PCDHB10: variants seen among roughly 807,000 people sequenced by gnomAD.
The protein encoded by PCDHB10 is protocadherin beta-10.
For synonymous variants in PCDHB10, 448 were observed against 449.2 expected (o/e 1.00, Z 0.04); for missense variants, 1,046 against 1,004.7 (o/e 1.04, Z -0.56).
In PCDHB10 at chr5:141,193,797, C is replaced by T; in HGVS notation, c.1245C>T (p.Ala415=). Residue 415 remains alanine, a synonymous_variant, in exon 1 of 1, where the codon GCC becomes GCT. Coordinates refer to ENST00000239446, the MANE Select transcript of PCDHB10 (RefSeq NM_018930.4). ...GCGCGCTGGACAGAGAGATCAGAGC[C>T]GAGTACAACATCACTATCACCGTCA... ...TEGALDREIR[A]EYNITITVTD... 1 of 1,614,152 alleles carries T rather than the reference C, an allele frequency of 6.2e-7. No homozygotes were observed. The highest frequency in any genetic ancestry group is 8.5e-7 in the Non-Finnish European group (1 of 1,180,042).
chr5:141,193,320 C>CA lies in PCDHB10; in HGVS notation c.769dup (p.Ile257AsnfsTer7), dbSNP rs1554284038. 2 of 1,614,094 alleles carry CA rather than the reference C, an allele frequency of 1.2e-6. No individual in the cohort carries two copies. Among genetic ancestry groups the CA allele is most frequent in the Non-Finnish European group, 8.5e-7 (1 of 1,179,990 alleles). On this transcript the variant is annotated frameshift_variant, in exon 1 of 1. Coordinates refer to ENST00000239446, the MANE Select transcript of PCDHB10 (RefSeq NM_018930.4). LOFTEE classifies it low-confidence loss of function (END_TRUNC). The stretch of plus-strand genomic sequence containing the variant: ...AGACCCAGGCTCCAGAAAACAGCCC[C>CA]ATTGGGTTCCTTATTGTTAAGGTAT...
At position 141,194,750 on chromosome 5, in the gene PCDHB10, C is replaced by A. The variant is rs1554284487; in HGVS notation, c.2198C>A (p.Pro733His). 5.6e-6 allele frequency: 9 copies of A among 1,613,816 alleles called. No individual in the cohort carries two copies. Among genetic ancestry groups the A allele is most frequent in the African/African-American group, 1.3e-5 (1 of 74,912 alleles). The stretch of plus-strand genomic sequence containing the variant: ...GGTCGCTGCTCGGTGCCCGAGGGTC[C>A]TTTTCCAGGGCATCTGGTGGACGTG... ...SVGRCSVPEG[P>H]FPGHLVDVRG... Residue 733 changes from proline to histidine, a missense_variant, in exon 1 of 1, where the codon CCT becomes CAT. By Grantham distance (77) the Pro-to-His change is moderately conservative. Transcript: ENST00000239446.
Position 141,193,406 on chromosome 5 carries a change from CAG to C in PCDHB10, c.856_857del (p.Glu286LysfsTer22), listed in dbSNP as rs1563953778. 6.2e-6 allele frequency: 10 copies of C among 1,614,154 alleles called. No individual in the cohort carries two copies. Among genetic ancestry groups the C allele is most frequent in the Admixed American group, 1.7e-5 (1 of 60,034 alleles). On this transcript the variant is annotated frameshift_variant, in exon 1 of 1. Coordinates refer to ENST00000239446, the MANE Select transcript of PCDHB10 (RefSeq NM_018930.4). LOFTEE classifies it low-confidence loss of function (END_TRUNC). ...GTATCCTATTCATTTTTTGATGCCTCAGAAAATATTCGAACAACCTTTCAAAT... is the reference window on the plus strand; with the variant it reads ...GTATCCTATTCATTTTTTGATGCCTCAAAATATTCGAACAACCTTTCAAAT...
chr5:141,194,222 A>G lies in PCDHB10; in HGVS notation c.1670A>G (p.Asn557Ser). The G allele has an allele frequency of 6.2e-7, 1 of 1,602,616 alleles. No homozygotes were observed. The highest frequency in any genetic ancestry group is 8.5e-7 in the Non-Finnish European group (1 of 1,177,804). ...GTGCTGGTGCTGGACGCCAACGACA[A>G]CTCGCCCTTCGTGCTGTACCCGCTG... ...VRVLVLDAND[N>S]SPFVLYPLQN... Residue 557 changes from asparagine (N) to serine (S), a missense_variant, in exon 1 of 1, where the codon AAC becomes AGC. Coordinates refer to ENST00000239446, the MANE Select transcript of PCDHB10 (RefSeq NM_018930.4).
chr5:141,194,300 G>A lies in PCDHB10; in HGVS notation c.1748G>A (p.Gly583Asp), dbSNP rs1753996015. The change falls in exon 1 of 1, where the codon GGC becomes GAC. Residue 583 changes from glycine to aspartate, a missense_variant. Transcript: ENST00000239446. ...CTGGTGCCCCGGGCGGCCGAGCCGG[G>A]CTACCTGGTGACCAAGGTGGTGGCG... ...TELVPRAAEP[G>D]YLVTKVVAVD... 6.2e-7 allele frequency: 1 copy of A among 1,603,538 alleles called. No individual in the cohort carries two copies. The highest frequency in any genetic ancestry group is 1.3e-5 in the African/African-American group (1 of 74,702).
chr5:141,195,131 A>G lies in PCDHB10; in HGVS notation c.*176A>G. On this transcript the variant is annotated 3_prime_UTR_variant, in exon 1 of 1. Transcript: ENST00000239446. ...TTTGCATTAATAACAACTGGGTTTA[A>G]TTTAATGAGTATTTTTTTCTAAATG... 1.7e-6 allele frequency: 1 copy of G among 597,752 alleles called. No homozygotes were observed. Among genetic ancestry groups the G allele is most frequent in the East Asian group, 3.2e-5 (1 of 31,694 alleles). The allele number at this position is 597,752 out of a possible 1,614,324, so 37.0% of individuals were successfully genotyped here. A position where few individuals can be genotyped will look rare whatever the true frequency, so the allele number is the denominator to read the frequency against.
Position 141,193,043 on chromosome 5 carries a change from T to A in PCDHB10, c.491T>A (p.Leu164His), listed in dbSNP as rs1554283950. The change falls in exon 1 of 1, where the codon CTT (leucine) becomes CAT (histidine). Residue 164 changes from leucine (L) to histidine (H), a missense_variant. By Grantham distance (99) the Leu-to-His change is moderately conservative. Transcript: ENST00000239446. ...AGAGCACAGGATCCAGATGGAGGAC[T>A]TAACGGTATCCAAAACTACACGATC... ...LERAQDPDGGLNGIQNYTISP... is the reference protein window; with the variant it reads ...LERAQDPDGGHNGIQNYTISP... 1.1e-5 allele frequency: 17 copies of A among 1,614,026 alleles called. 1 individual carries two copies. In the South Asian group the frequency reaches 1.4e-4, roughly 14 times the overall value.
At position 141,194,074 on chromosome 5, in the gene PCDHB10, G is replaced by A. The variant is rs782288188; in HGVS notation, c.1522G>A (p.Ala508Thr). ...CCTCGCCTCCCTGGTCTCCATCAACGCGGACAACGGCCACCTGTTCGCCCT... is the reference window on the plus strand; with the variant it reads ...CCTCGCCTCCCTGGTCTCCATCAACACGGACAACGGCCACCTGTTCGCCCT... ...LPLASLVSINADNGHLFALRS... is the reference protein window; with the variant it reads ...LPLASLVSINTDNGHLFALRS... The change falls in exon 1 of 1, where the codon GCG becomes ACG. Residue 508 changes from alanine (A) to threonine (T), a missense_variant. Ala to Thr is a moderately conservative substitution (Grantham distance 58). Coordinates refer to ENST00000239446, the MANE Select transcript of PCDHB10 (RefSeq NM_018930.4). The A allele has an allele frequency of 3.1e-5, 50 of 1,604,006 alleles. No homozygotes were observed. The highest frequency in any genetic ancestry group is 1.8e-4 in the East Asian group (8 of 44,772).
In PCDHB10 at chr5:141,194,082, C is replaced by T. The variant is rs17844572; in HGVS notation, c.1530C>T (p.Asn510=). ...LASLVSINAD[N]GHLFALRSLD... is the part of the protein sequence containing the mutation. Reference sequence around the variant, plus strand: ...CCCTGGTCTCCATCAACGCGGACAACGGCCACCTGTTCGCCCTCAGGTCGC... The same window carrying T: ...CCCTGGTCTCCATCAACGCGGACAATGGCCACCTGTTCGCCCTCAGGTCGC... Residue 510 remains asparagine, a synonymous_variant, in exon 1 of 1, where the codon AAC becomes AAT. Coordinates refer to ENST00000239446, the MANE Select transcript of PCDHB10 (RefSeq NM_018930.4). 2.5e-3 allele frequency: 4,033 copies of T among 1,605,510 alleles called. 65 individuals carry two copies. In the African/African-American group the frequency reaches 0.048, roughly 19 times the overall value.
rs1554284586 is a variant in PCDHB10, at chr5:141,195,002, T to G, written c.*47T>G. ...ACTTTTGGTGTGTTACATAGCCATGTTTCTATTAGTTTACTTTTAAATCTC... is the reference window on the plus strand; with the variant it reads ...ACTTTTGGTGTGTTACATAGCCATGGTTCTATTAGTTTACTTTTAAATCTC... On this transcript the variant is annotated 3_prime_UTR_variant, in exon 1 of 1. Coordinates refer to ENST00000239446, the MANE Select transcript of PCDHB10 (RefSeq NM_018930.4). 6.6e-7 allele frequency: 1 copy of G among 1,505,386 alleles called. No homozygotes were observed. 93.3% of individuals were successfully genotyped at this position (1,505,386 alleles called of 1,614,324 possible). A position where few individuals can be genotyped will look rare whatever the true frequency, so the allele number is the denominator to read the frequency against.
At position 141,194,357 on chromosome 5, in the gene PCDHB10, TG is replaced by T; in HGVS notation, c.1806del (p.Ser603ArgfsTer28). ...GGCGACTCGGGCCAGAACGCCTGGC[TG>T]TCGTACCAGCTGCTCAAGGCCACGG... ...VDGDSGQNAW[L>X]SYQLLKATEP... is the part of the protein sequence containing the mutation. On this transcript the variant is annotated frameshift_variant, in exon 1 of 1. Transcript: ENST00000239446. LOFTEE classifies it low-confidence loss of function (END_TRUNC). 1 of 1,601,878 alleles carries T rather than the reference TG, an allele frequency of 6.2e-7. No homozygotes were observed. Among genetic ancestry groups the T allele is most frequent in the Non-Finnish European group, 8.5e-7 (1 of 1,178,928 alleles).
rs1261711111 is a variant in PCDHB10 at position 141,192,674 on chromosome 5, A to C, written c.122A>C (p.Lys41Thr). The C allele has an allele frequency of 7.4e-6, 12 of 1,613,816 alleles. No homozygotes were observed. The highest frequency in any genetic ancestry group is 1.0e-5 in the Non-Finnish European group (12 of 1,180,002). ...TATTCGGTGACTGAGGAAACAGAGA[A>C]AGGATCCTTTGTGGTCAATCTGGCA... ...GRYSVTEETE[K>T]GSFVVNLAKD... The change falls in exon 1 of 1, where the codon AAA becomes ACA. Residue 41 changes from lysine to threonine, a missense_variant. Lys to Thr is a moderately conservative substitution (Grantham distance 78, BLOSUM62 -1). Transcript: ENST00000239446.
Position 141,193,318 on chromosome 5 carries a change from C to G in PCDHB10, c.766C>G (p.Pro256Ala). ...LYETQAPENS[P>A]IGFLIVKVWA... ...TGAGACCCAGGCTCCAGAAAACAGC[C>G]CCATTGGGTTCCTTATTGTTAAGGT... The change falls in exon 1 of 1, where the codon CCC becomes GCC. Residue 256 changes from proline (P) to alanine (A), a missense_variant. By Grantham distance (27) the Pro-to-Ala change is conservative (BLOSUM62 -1). Coordinates refer to ENST00000239446, the MANE Select transcript of PCDHB10 (RefSeq NM_018930.4). 1.2e-6 allele frequency: 2 copies of G among 1,614,090 alleles called. No individual in the cohort carries two copies. The highest frequency in any genetic ancestry group is 1.6e-4 in the Middle Eastern group (1 of 6,062).
chr5:141,193,646 T>C lies in PCDHB10; in HGVS notation c.1094T>C (p.Leu365Pro). 2 of 1,614,182 alleles carry C rather than the reference T, an allele frequency of 1.2e-6. No individual in the cohort carries two copies. Among genetic ancestry groups the C allele is most frequent in the Non-Finnish European group, 1.7e-6 (2 of 1,180,040 alleles). ...GCTGAGAATTCTCCTGAGACGCCGC[T>C]GGCTGTTTTTAAGATTAATGACAGA... The part of the protein sequence containing the change: ...SVAENSPETP[L>P]AVFKINDRDS... Residue 365 changes from leucine (L) to proline (P), a missense_variant, in exon 1 of 1, where the codon CTG (leucine) becomes CCG (proline). Leu to Pro is a moderately conservative substitution (Grantham distance 98, BLOSUM62 -3). Transcript: ENST00000239446.
rs1315794679 is a variant in PCDHB10, at chr5:141,192,913, C to G, written c.361C>G (p.Leu121Val). The change falls in exon 1 of 1, where the codon CTG (leucine) becomes GTG (valine). Residue 121 changes from leucine (L) to valine (V), a missense_variant. Transcript: ENST00000239446. ...TCCCTTTCAGATTTACCGGGCTGAG[C>G]TGAGAGTCAGGGATATAAATGATCA... ...DDPFQIYRAE[L>V]RVRDINDHAP... 4.3e-6 allele frequency: 7 copies of G among 1,613,838 alleles called. No homozygotes were observed. In the African/African-American group the frequency reaches 6.7e-5, roughly 15 times the overall value.
At position 141,193,114 on chromosome 5, in the gene PCDHB10, G is replaced by A. The variant is rs782585302; in HGVS notation, c.562G>A (p.Gly188Ser). The A allele has an allele frequency of 5.6e-6, 9 of 1,614,026 alleles. No homozygotes were observed. In the African/African-American group the frequency reaches 1.2e-4, roughly 22 times the overall value. The change falls in exon 1 of 1, where the codon GGC becomes AGC. Residue 188 changes from glycine (G) to serine (S), a missense_variant. Transcript: ENST00000239446. ...TATTAACATTAGTGGCGGTGATGAA[G>A]GCATGATATATCCAGAGCTAGTGTT... ...FHINISGGDE[G>S]MIYPELVLDK...
chr5:141,194,098 C>T lies in PCDHB10; in HGVS notation c.1546C>T (p.Leu516Phe), dbSNP rs201065874. The T allele has an allele frequency of 8.6e-5, 138 of 1,605,888 alleles. 1 individual carries two copies. In the East Asian group the frequency reaches 2.7e-3, roughly 31 times the overall value. The change falls in exon 1 of 1, where the codon CTC (leucine) becomes TTC (phenylalanine). Residue 516 changes from leucine to phenylalanine, a missense_variant. Leu to Phe is a conservative substitution (Grantham distance 22, BLOSUM62 0). Coordinates refer to ENST00000239446, the MANE Select transcript of PCDHB10 (RefSeq NM_018930.4). ...CGCGGACAACGGCCACCTGTTCGCC[C>T]TCAGGTCGCTGGACTACGAGGCCCT... is the stretch of plus-strand genomic sequence containing the variant. ...INADNGHLFA[L>F]RSLDYEALQA...
Position 141,194,922 on chromosome 5 carries a change from C to G in PCDHB10, c.2370C>G (p.Thr790=). The change falls in exon 1 of 1, where the codon ACC becomes ACG. Residue 790 remains threonine, a synonymous_variant. Transcript: ENST00000239446. ...GGAGGAAGGGTGAAGAAAATTCCACCTTCCGAAATAGCTTTGGATTTAATA... is the reference window on the plus strand; with the variant it reads ...GGAGGAAGGGTGAAGAAAATTCCACGTTCCGAAATAGCTTTGGATTTAATA... ...GPGRKGEENS[T]FRNSFGFNIQ 1 of 1,611,900 alleles carries G rather than the reference C, an allele frequency of 6.2e-7. No homozygotes were observed. Among genetic ancestry groups the G allele is most frequent in the East Asian group, 2.2e-5 (1 of 44,856 alleles).
rs781842016 is a variant in PCDHB10, at chr5:141,194,197, G to T, written c.1645G>T (p.Val549Leu). 2.6e-5 allele frequency: 41 copies of T among 1,602,982 alleles called. No individual in the cohort carries two copies. The highest frequency in any genetic ancestry group is 3.3e-5 in the Non-Finnish European group (39 of 1,177,756). ...GCTGAGCAGAGAGGCGCTGGTGCGCGTGCTGGTGCTGGACGCCAACGACAA... is the reference window on the plus strand; with the variant it reads ...GCTGAGCAGAGAGGCGCTGGTGCGCTTGCTGGTGCTGGACGCCAACGACAA... ...PALSREALVR[V>L]LVLDANDNSP... Residue 549 changes from valine to leucine, a missense_variant, in exon 1 of 1, where the codon GTG (valine) becomes TTG (leucine). Physicochemically the swap from Val to Leu is conservative, Grantham distance 32 (BLOSUM62 1). Coordinates refer to ENST00000239446, the MANE Select transcript of PCDHB10 (RefSeq NM_018930.4).
Sources: gnomAD v4.1 joint callset for allele counts on GRCh38, gnomAD v4.1.1 for gene constraint, MANE v1.5 for transcripts, NCBI Gene and HGNC (gene_info 2026-07-23, HGNC 2026-07-21) for gene names.